CYTH4: variants seen among roughly 807,000 people sequenced by gnomAD.
CYTH4 encodes the protein cytohesin 4.
CYTH4 carries 22 observed loss-of-function variants against 57.5 expected under a neutral mutation model. The observed-to-expected ratio is 0.38, with a 90% CI of 0.27 to 0.55. The LOEUF is 0.55. Ranked by LOEUF, CYTH4 falls within the 20% of genes least tolerant of loss-of-function variation. The pLI, the probability that CYTH4 is intolerant of heterozygous loss-of-function variation, is 0.74. For missense variants in CYTH4, 420 were observed against 535.6 expected (o/e 0.78, Z 2.13); for synonymous variants, 186 against 206.5 (o/e 0.90, Z 0.85).
intron 4 of CYTH4, chr22:37,296,507 G>A (rs1353882011): frequency 5.9e-6 from 1 of 170,146 alleles, no homozygotes; most frequent in Middle Eastern, 2.8e-3. Context: ...GGGTTACCTC[G>A]ATCCCCCACA....
In CYTH4 at chr22:37,295,449, T is replaced by C. The variant is rs1196709063; in HGVS notation, c.168-550T>C. 6.8e-6 allele frequency among the ~76,000 whole-genome samples: 1 copy of C among 148,098 alleles called. No homozygotes were observed. The highest frequency in any genetic ancestry group is 1.5e-5 in the Non-Finnish European group (1 of 67,762). On this transcript the variant is annotated intron_variant, in intron 3 of 12. Coordinates refer to ENST00000248901, the MANE Select transcript of CYTH4 (RefSeq NM_013385.5). The surrounding 1 kb of genome is among the most constrained non-coding windows in gnomAD (Gnocchi z 4.1). ...ACAAGCATGCACACACACACAAGCATGCACACACACGAGTGGCCGTTTCTC... is the reference window on the plus strand; with the variant it reads ...ACAAGCATGCACACACACACAAGCACGCACACACACGAGTGGCCGTTTCTC...
chr22:37,307,162 G>C (rs1244266876), intron 8 of CYTH4, among the ~76,000 whole-genome samples: 1 of 152,226 alleles, frequency 6.6e-6, no homozygotes, highest in East Asian at 1.9e-4. Context: ...GGTTGCGGCA[G>C]TGCGTGCAAG....
chr22:37,313,731 C>A lies in CYTH4; in HGVS notation c.*220C>A, dbSNP rs111546559. On this transcript the variant is annotated 3_prime_UTR_variant, in exon 13 of 13. Coordinates refer to ENST00000248901, the MANE Select transcript of CYTH4 (RefSeq NM_013385.5). ...CAGCAATGAGGCCCCCTGGCCTGGG[C>A]ACCCAGCTGCAGGCCCCTGCCCTAC... The A allele has an allele frequency of 5.2e-6, 3 of 573,416 alleles. No individual in the cohort carries two copies. The highest frequency in any genetic ancestry group is 9.3e-6 in the Non-Finnish European group (3 of 321,492). 35.5% of individuals were successfully genotyped at this position (573,416 alleles called of 1,614,324 possible). A position where few individuals can be genotyped will look rare whatever the true frequency, so the allele number is the denominator to read the frequency against.
intron 1 of CYTH4, among the ~76,000 whole-genome samples, chr22:37,284,553 A>G (rs1267632170): frequency 6.6e-6 from 1 of 152,092 alleles, no homozygotes; most frequent in Non-Finnish European, 1.5e-5. Context: ...TGGCACGGTG[A>G]CTTCCCCTCT....
chr22:37,301,148 T>A, intron 7 of CYTH4, 129 bp downstream of exon 7: 1 of 700,688 alleles, frequency 1.4e-6, no homozygotes, highest in Non-Finnish European at 2.4e-6. Flanking sequence ...TCATGAGCCC[T>A]CACTGAGCAC....
At chr22:37,296,174 A>G (rs1928960708) in intron 4 of CYTH4, 109 bp downstream of exon 4, 1 of 1,182,048 alleles carries the variant, frequency 8.5e-7, no homozygotes, top group African/African-American at 1.5e-5. Context: ...CCAGAGGAGG[A>G]AGCTGTGCCC....
chr22:37,313,413 G>A, intron 12 of CYTH4, 26 bp from the exon 13 acceptor site: 1 of 1,612,206 alleles, frequency 6.2e-7, no homozygotes, highest in Non-Finnish European at 8.5e-7. Flanking sequence ...GTCCAGCCCT[G>A]AAATCTCTCC....
chr22:37,289,184 G>A (rs1013953621), intron 1 of CYTH4, among the ~76,000 whole-genome samples: 1 of 152,158 alleles, frequency 6.6e-6, no homozygotes, highest in Non-Finnish European at 1.5e-5. Flanking sequence ...CGCTCCCACG[G>A]GGTCATCCAC....
Position 37,296,030 on chromosome 22 carries a change from A to G in CYTH4, c.199A>G (p.Ile67Val), listed in dbSNP as rs774903208. 1 of 1,613,448 alleles carries G rather than the reference A, an allele frequency of 6.2e-7. No individual in the cohort carries two copies. Among genetic ancestry groups the G allele is most frequent in the Non-Finnish European group, 8.5e-7 (1 of 1,179,676 alleles). Residue 67 changes from isoleucine (I) to valine (V), a missense_variant, in exon 4 of 13, where the codon ATT becomes GTT. Coordinates refer to ENST00000248901, the MANE Select transcript of CYTH4 (RefSeq NM_013385.5). ...RMAQKEKELC[I>V]GRKKFNMDPA... Reference sequence around the variant, plus strand: ...GGCCCAGAAGGAGAAGGAGCTGTGTATTGGGCGCAAGAAGTTCAACATGGA... The same window carrying G: ...GGCCCAGAAGGAGAAGGAGCTGTGTGTTGGGCGCAAGAAGTTCAACATGGA...
rs55999013 is a variant in CYTH4, at chr22:37,286,790, G to A, written c.19+4202G>A. Among the ~76,000 whole-genome samples, 1,195 of 152,252 alleles carry A rather than the reference G, an allele frequency of 7.8e-3. 7 individuals carry two copies. The highest frequency in any genetic ancestry group is 0.025 in the African/African-American group (1,041 of 41,532). ...GGCACAGTGTGAGAGGAGCATGGAGGGGATACACCAGCAGGACTGGTGAGA... is the reference window on the plus strand; with the variant it reads ...GGCACAGTGTGAGAGGAGCATGGAGAGGATACACCAGCAGGACTGGTGAGA... On this transcript the variant is annotated intron_variant, in intron 1 of 12. Coordinates refer to ENST00000248901, the MANE Select transcript of CYTH4 (RefSeq NM_013385.5).
At chr22:37,290,555 G>C (rs1014545565) in intron 1 of CYTH4, among the ~76,000 whole-genome samples, 1 of 152,116 alleles carries the variant, frequency 6.6e-6, no homozygotes, top group African/African-American at 2.4e-5. Context: ...GCCCAGGCTG[G>C]AGTGCAGTGG....
At chr22:37,291,835 G>A (rs112539749) in intron 1 of CYTH4, among the ~76,000 whole-genome samples, 218 of 152,282 alleles carry the variant, frequency 1.4e-3, no homozygotes, top group East Asian at 0.013. Flanking sequence ...ATAGAATGCC[G>A]CACACACAAA....
Position 37,314,373 on chromosome 22 carries a change from G to GA in CYTH4, c.*863dup. The GA allele has an allele frequency of 5.0e-6, 2 of 398,762 alleles. No homozygotes were observed. Among genetic ancestry groups the GA allele is most frequent in the East Asian group, 7.1e-5 (2 of 28,056 alleles). The allele number at this position is 398,762 out of a possible 1,614,324, so 24.7% of individuals were successfully genotyped here. ...GAGCAGGTGGGACCCTCAAGAAAAT[G>GA]ACGGAGAACATCCCAGACAGATGGG... On this transcript the variant is annotated 3_prime_UTR_variant, in exon 13 of 13. Coordinates refer to ENST00000248901, the MANE Select transcript of CYTH4 (RefSeq NM_013385.5).
At chr22:37,300,621 C>G (rs968632823) in intron 6 of CYTH4, among the ~76,000 whole-genome samples, 8 of 152,244 alleles carry the variant, frequency 5.3e-5, no homozygotes, top group Non-Finnish European at 8.8e-5. Flanking sequence ...AGGCCGTCCC[C>G]CTTCCCAGCT....
chr22:37,313,973 T>C lies in CYTH4; in HGVS notation c.*462T>C. ...TTTCAGGGATATCTCTGCCAACCCC[T>C]CCCCTGTCCTCGGGTTGGGCTTGGC... On this transcript the variant is annotated 3_prime_UTR_variant, in exon 13 of 13. Transcript: ENST00000248901. 1 of 240,984 alleles carries C rather than the reference T, an allele frequency of 4.1e-6. No individual in the cohort carries two copies. The highest frequency in any genetic ancestry group is 8.0e-6 in the Non-Finnish European group (1 of 124,318). 14.9% of individuals were successfully genotyped at this position (240,984 alleles called of 1,614,324 possible).
At chr22:37,305,833 A>G (rs961717582) in intron 8 of CYTH4, among the ~76,000 whole-genome samples, 1 of 152,242 alleles carries the variant, frequency 6.6e-6, no homozygotes, top group African/African-American at 2.4e-5. Context: ...CCTCAAGGGT[A>G]CACAGACCAT....
chr22:37,309,986 C>G (rs536729390), intron 9 of CYTH4: 67 of 469,328 alleles, frequency 1.4e-4, no homozygotes, highest in South Asian at 1.0e-3. Flanking sequence ...CTTCCGGAAG[C>G]CTCTCCAGCA....
At chr22:37,305,972 A>C (rs1929379920) in intron 8 of CYTH4, among the ~76,000 whole-genome samples, 1 of 152,190 alleles carries the variant, frequency 6.6e-6, no homozygotes. Flanking sequence ...CTCAGGGTGA[A>C]GGCACAGTGA....
chr22:37,301,133 C>T (rs942665681), intron 7 of CYTH4, 114 bp downstream of exon 7: 1 of 808,764 alleles, frequency 1.2e-6, no homozygotes, highest in Non-Finnish European at 2.0e-6. Flanking sequence ...GCAGCCCAGA[C>T]CCCTTCATGA....
Sources: allele counts gnomAD v4.1 joint callset (sites outside exome capture counted in the v4.1 genomes callset), GRCh38; gene constraint gnomAD v4.1.1; non-coding constraint Gnocchi (gnomAD v3.1); transcripts MANE v1.5; gene names NCBI Gene and HGNC (gene_info 2026-07-23, HGNC 2026-07-21).